CREB5: variants seen among roughly 807,000 people sequenced by gnomAD.
CREB5 encodes the protein cAMP responsive element binding protein 5.
A neutral mutation model predicts 57.1 loss-of-function variants in CREB5; 19 were observed. That is an observed-to-expected ratio of 0.33 (90% CI 0.23 to 0.49). The LOEUF is 0.49. CREB5 is among the 20% of genes least tolerant of loss of function. The pLI is 0.99. For missense variants in CREB5, 579 were observed against 671.6 expected (o/e 0.86, Z 1.52); for synonymous variants, 238 against 238.3 (o/e 1.00, Z 0.01).
chr7:28,686,337 C>T (rs1800907098), intron 5 of CREB5: 1 of 661,470 alleles, frequency 1.5e-6, no homozygotes, highest in Non-Finnish European at 2.7e-6. Flanking sequence ...GTCTTTGTTT[C>T]TCCTCTTCTT....
At chr7:28,529,335 T>TGG (rs111762805) in intron 4 of CREB5, among the ~76,000 whole-genome samples, 15,662 of 152,136 alleles carry the variant, frequency 0.1, 1,119 homozygotes, top group African/African-American at 0.2. Flanking sequence ...CACTTCCCTG[T>TGG]GCTCCCTGCA....
chr7:28,683,750 A>G (rs945632453), intron 5 of CREB5, among the ~76,000 whole-genome samples: 55 of 152,278 alleles, frequency 3.6e-4, no homozygotes, highest in African/African-American at 1.3e-3. Context: ...CAGGAAAGCC[A>G]TCTTTACATC....
chr7:28,792,775 T>C (rs1280596548), intron 7 of CREB5, among the ~76,000 whole-genome samples: 1 of 152,200 alleles, frequency 6.6e-6, no homozygotes, highest in Non-Finnish European at 1.5e-5. Context: ...GCCTTCATCC[T>C]GTGGCCCTCA....
At chr7:28,442,378 T>A (rs953522245) in intron 1 of CREB5, among the ~76,000 whole-genome samples, 15 of 152,204 alleles carry the variant, frequency 9.9e-5, no homozygotes, top group Non-Finnish European at 1.9e-4. Flanking sequence ...ATCTTAGCTA[T>A]CGTGAATAGT....
intron 7 of CREB5, among the ~76,000 whole-genome samples, chr7:28,776,879 AT>A (rs1361548408): frequency 5.9e-5 from 9 of 152,158 alleles, no homozygotes; most frequent in African/African-American, 2.2e-4. Context: ...TCAGTAATTC[AT>A]CCCTTTTTAC....
intron 1 of CREB5, among the ~76,000 whole-genome samples, chr7:28,335,217 T>C (rs1328938773): frequency 6.6e-6 from 1 of 152,210 alleles, no homozygotes; most frequent in East Asian, 1.9e-4. Context: ...GGATTTTTTT[T>C]TCTATTTCTG....
chr7:28,374,174 C>T (rs941720699), intron 1 of CREB5, among the ~76,000 whole-genome samples: 1 of 152,134 alleles, frequency 6.6e-6, no homozygotes, highest in African/African-American at 2.4e-5. Flanking sequence ...GGAGATACCA[C>T]TACACACCCA....
chr7:28,670,665 A>G (rs1228812357), intron 5 of CREB5, among the ~76,000 whole-genome samples: 1 of 152,212 alleles, frequency 6.6e-6, no homozygotes, highest in East Asian at 1.9e-4. Context: ...TTAATTCTAC[A>G]TATCTCCCAT....
chr7:28,807,649 G>A (rs1019081426), intron 8 of CREB5, among the ~76,000 whole-genome samples: 1 of 152,260 alleles, frequency 6.6e-6, no homozygotes, highest in African/African-American at 2.4e-5. Flanking sequence ...TTCAATCATA[G>A]TGCTGCAATG....
At chr7:28,424,094 T>A (rs943887620) in intron 1 of CREB5, among the ~76,000 whole-genome samples, 1 of 152,206 alleles carries the variant, frequency 6.6e-6, no homozygotes, top group African/African-American at 2.4e-5. Context: ...CTCTGTGACT[T>A]CACATGGTCT....
chr7:28,560,819 T>TGTGTGCGTGTGTGTGTGTGTGCGTGC (rs1562796977), intron 4 of CREB5, among the ~76,000 whole-genome samples: 29 of 62,422 alleles, frequency 4.6e-4, no homozygotes, highest in East Asian at 8.9e-4. Flanking sequence ...CGTGTGTGTG[T>TGTGTGCGTGTGTGTGTGTGTGCGTGC]GTGCGCGCGC....
intron 9 of CREB5, among the ~76,000 whole-genome samples, chr7:28,810,706 A>AAATG (rs1180441042): frequency 1.3e-5 from 2 of 151,330 alleles, no homozygotes. Flanking sequence ...AAAAATAAAT[A>AAATG]AAAAGAGTTA....
intron 5 of CREB5, among the ~76,000 whole-genome samples, chr7:28,654,825 T>C (rs1457793251): frequency 2.0e-5 from 3 of 152,134 alleles, no homozygotes; most frequent in Non-Finnish European, 4.4e-5. Flanking sequence ...GGCATAGGAA[T>C]GATAATTAAT....
At chr7:28,319,918 G>A (rs983986634) in intron 1 of CREB5, among the ~76,000 whole-genome samples, 11 of 150,802 alleles carry the variant, frequency 7.3e-5, no homozygotes, top group Non-Finnish European at 1.0e-4. Flanking sequence ...TTTCTTTTAT[G>A]TAATTTTCTT....
chr7:28,356,683 T>C (rs567475573), intron 1 of CREB5, among the ~76,000 whole-genome samples: 2 of 152,352 alleles, frequency 1.3e-5, no homozygotes, highest in South Asian at 4.1e-4. Context: ...CTAGGGCTGC[T>C]GTGGTACTCC....
At chr7:28,489,976 T>C (rs1310989962) in intron 2 of CREB5, among the ~76,000 whole-genome samples, 1 of 152,238 alleles carries the variant, frequency 6.6e-6, no homozygotes, top group Non-Finnish European at 1.5e-5. Flanking sequence ...TAGAACTTAA[T>C]TCCTAAGGTA....
At chr7:28,339,322 T>C (rs1279472105) in intron 1 of CREB5, among the ~76,000 whole-genome samples, 1 of 152,168 alleles carries the variant, frequency 6.6e-6, no homozygotes, top group African/African-American at 2.4e-5. Context: ...TTTTTAGTCA[T>C]CACAGCCATA....
chr7:28,384,657 A>C (rs1787047366), intron 1 of CREB5, among the ~76,000 whole-genome samples: 1 of 152,158 alleles, frequency 6.6e-6, no homozygotes, highest in Non-Finnish European at 1.5e-5. Flanking sequence ...TATGTATACT[A>C]GATGCAGTCA....
At chr7:28,804,555 T>A in intron 8 of CREB5, 33 bp downstream of exon 8, 2 of 1,605,622 alleles carry the variant, frequency 1.2e-6, no homozygotes, top group Non-Finnish European at 1.7e-6. Flanking sequence ...TTCCCCTTCT[T>A]ATTCTCCTTC....
Sources: gnomAD v4.1 joint callset for allele counts (sites outside exome capture counted in the v4.1 genomes callset) on GRCh38, gnomAD v4.1.1 for gene constraint, MANE v1.5 for transcripts, NCBI Gene and HGNC (gene_info 2026-07-23, HGNC 2026-07-21) for gene names.